Variants in NFYC observed in about 807,000 individuals in gnomAD.
NFYC encodes CAAT box DNA-binding protein subunit C.
A neutral mutation model predicts 53.1 loss-of-function variants in NFYC; 25 were observed. The observed-to-expected ratio is 0.47, with a 90% CI of 0.34 to 0.66. The LOEUF is 0.66. Ranked by LOEUF, NFYC falls within the 30% of genes least tolerant of loss-of-function variation. The pLI is 0.01. For synonymous variants in NFYC, 145 were observed against 152.6 expected, an observed-to-expected ratio of 0.95 and a Z score of 0.37; for missense variants, 260 against 422.7, an observed-to-expected ratio of 0.62 and a Z score of 3.38.
chr1:40,706,473 C>A (rs1643697312), intron 1 of NFYC, among the ~76,000 whole-genome samples: 2 of 152,056 alleles, frequency 1.3e-5, no homozygotes, highest in Admixed American at 1.3e-4. Flanking sequence ...CTGCACATGT[C>A]AAGGATGAGT....
chr1:40,721,898 C>A lies in NFYC; in HGVS notation c.-8-16938C>A, dbSNP rs538572736. Among the ~76,000 whole-genome samples the A allele has an allele frequency of 3.0e-3, 449 of 152,094 alleles. 5 individuals carry two copies. Among genetic ancestry groups the A allele is most frequent in the African/African-American group, 0.01 (426 of 41,552 alleles). ...TATTCTAAGAATTGAAGGCCGGGCG[C>A]GGTGGCTCATGCCTGTAATCCCAGC... On this transcript the variant is annotated intron_variant, in intron 1 of 9. Coordinates refer to ENST00000447388, the MANE Select transcript of NFYC (RefSeq NM_014223.5).
chr1:40,737,222 C>T (rs570984797), intron 1 of NFYC, among the ~76,000 whole-genome samples: 20 of 151,578 alleles, frequency 1.3e-4, no homozygotes, highest in Non-Finnish European at 2.4e-4. Context: ...CCTGTGTTAT[C>T]TACAGTTATA....
chr1:40,704,040 T>C (rs1557739920), intron 1 of NFYC, among the ~76,000 whole-genome samples: 1 of 152,014 alleles, frequency 6.6e-6, no homozygotes. Flanking sequence ...GCTTCAACCG[T>C]GTAACCAGAG....
At chr1:40,766,987 A>G (rs952557957) in intron 8 of NFYC, 2 of 1,551,332 alleles carry the variant, frequency 1.3e-6, no homozygotes, top group African/African-American at 1.4e-5. Context: ...GTGCACACCC[A>G]TCAGACCTGG....
intron 1 of NFYC, chr1:40,730,572 G>A: frequency 1.0e-6 from 1 of 985,348 alleles, no homozygotes; most frequent in Non-Finnish European, 1.2e-6. Context: ...AGGAAGATAT[G>A]ATCAAAATGC....
chr1:40,769,759 A>G (rs1646993324), intron 9 of NFYC, among the ~76,000 whole-genome samples: 1 of 151,960 alleles, frequency 6.6e-6, no homozygotes, highest in Non-Finnish European at 1.5e-5. Context: ...CTAGAACTGT[A>G]TTTTTTTCCC....
intron 1 of NFYC, among the ~76,000 whole-genome samples, chr1:40,718,023 G>A (rs1449314604): frequency 6.6e-6 from 1 of 152,040 alleles, no homozygotes; most frequent in Non-Finnish European, 1.5e-5. Context: ...TAAAATAAAG[G>A]CAATAAGAAA....
At chr1:40,767,897 A>T (rs1324102058) in intron 8 of NFYC, among the ~76,000 whole-genome samples, 1 of 152,130 alleles carries the variant, frequency 6.6e-6, no homozygotes, top group African/African-American at 2.4e-5. Context: ...AATCACTTGA[A>T]CCCAGGAGGT....
At chr1:40,762,299 G>A (rs1263900109) in intron 6 of NFYC, among the ~76,000 whole-genome samples, 1 of 152,200 alleles carries the variant, frequency 6.6e-6, no homozygotes, top group Non-Finnish European at 1.5e-5. Context: ...CCATACTGTG[G>A]TCCAGAGCAG....
At chr1:40,720,505 A>G (rs1051782724) in intron 1 of NFYC, among the ~76,000 whole-genome samples, 3 of 104,686 alleles carry the variant, frequency 2.9e-5, no homozygotes, top group East Asian at 5.0e-4. Flanking sequence ...GAGCACAGAT[A>G]CTTAAGAAGG....
chr1:40,705,679 A>T (rs965073038), intron 1 of NFYC, among the ~76,000 whole-genome samples: 1 of 152,250 alleles, frequency 6.6e-6, no homozygotes, highest in East Asian at 1.9e-4. Context: ...ATATTTGGTC[A>T]TACCATTGGC....
chr1:40,756,410 A>T (rs1266440729), intron 5 of NFYC, among the ~76,000 whole-genome samples: 1 of 152,226 alleles, frequency 6.6e-6, no homozygotes, highest in Non-Finnish European at 1.5e-5. Context: ...GACTATATCA[A>T]CCTAAAAAGT....
chr1:40,740,533 G>A (rs764652914), intron 2 of NFYC, among the ~76,000 whole-genome samples: 2 of 152,184 alleles, frequency 1.3e-5, no homozygotes, highest in Non-Finnish European at 2.9e-5. Context: ...AGTTGAACTT[G>A]GCTTAGCCTT....
intron 1 of NFYC, among the ~76,000 whole-genome samples, chr1:40,734,053 A>G (rs1644901853): frequency 6.6e-6 from 1 of 151,998 alleles, no homozygotes; most frequent in South Asian, 2.1e-4. Flanking sequence ...GCCTTAAAAA[A>G]TCCTTTTTTT....
chr1:40,710,496 A>G (rs1643895801), intron 1 of NFYC, among the ~76,000 whole-genome samples: 1 of 152,228 alleles, frequency 6.6e-6, no homozygotes, highest in African/African-American at 2.4e-5. Flanking sequence ...ATGAACAGTG[A>G]AATCTTCAAT....
At chr1:40,707,480 CAAA>C (rs58438852) in intron 1 of NFYC, among the ~76,000 whole-genome samples, 2 of 86,498 alleles carry the variant, frequency 2.3e-5, no homozygotes, top group South Asian at 7.2e-4. Flanking sequence ...ACTCCATCTC[CAAA>C]AAAAAAAAAA....
chr1:40,730,652 G>A (rs867293246), intron 1 of NFYC: 20 of 964,768 alleles, frequency 2.1e-5, no homozygotes, highest in Middle Eastern at 1.1e-3. Context: ...ATGTTAAGTT[G>A]GAGATGCACA....
At chr1:40,700,288 C>T (rs1308983614) in intron 1 of NFYC, among the ~76,000 whole-genome samples, 1 of 152,042 alleles carries the variant, frequency 6.6e-6, no homozygotes, top group Non-Finnish European at 1.5e-5. Context: ...ATTCTACATG[C>T]CTTATTAACC....
intron 1 of NFYC, chr1:40,730,542 A>G (rs1420771214): frequency 1.0e-6 from 1 of 984,926 alleles, no homozygotes; most frequent in Non-Finnish European, 1.2e-6. Context: ...AGTTGTAAAA[A>G]GGATGTCACC....
Sources: gnomAD v4.1 joint callset for allele counts (sites outside exome capture counted in the v4.1 genomes callset) on GRCh38, gnomAD v4.1.1 for gene constraint, MANE v1.5 for transcripts, NCBI Gene and HGNC (gene_info 2026-07-23, HGNC 2026-07-21) for gene names.